Variants in C5orf63 observed in about 807,000 individuals in gnomAD.
C5orf63 encodes the protein chromosome 5 open reading frame 63.
C5orf63 carries 18 observed loss-of-function variants against 13.3 expected under a neutral mutation model. The observed-to-expected ratio is 1.36, with a 90% CI of 0.94 to 2.01. C5orf63 has a LOEUF of 2.01. Among genes scored for constraint, C5orf63 ranks in the 30% most tolerant of loss-of-function variants. C5orf63 has a pLI of 0.00. For missense variants in C5orf63, 118 were observed against 127.7 expected (o/e 0.92, Z 0.36); for synonymous variants, 38 against 44.7 (o/e 0.85, Z 0.60).
At chr5:127,061,444 C>T (rs1754102098) in intron 2 of C5orf63, among the ~76,000 whole-genome samples, 1 of 152,200 alleles carries the variant, frequency 6.6e-6, no homozygotes, top group Admixed American at 6.5e-5. Context: ...TCCACTTCTA[C>T]TTGGATCTCT....
intron 1 of C5orf63, chr5:127,071,991 A>T (rs1400023442): frequency 6.6e-6 from 1 of 152,244 alleles, no homozygotes; most frequent in Non-Finnish European, 1.5e-5. Flanking sequence ...CATTTCTATT[A>T]CTTACCTGCC....
At chr5:127,066,706 C>T (rs1754346045) in intron 2 of C5orf63, among the ~76,000 whole-genome samples, 1 of 151,918 alleles carries the variant, frequency 6.6e-6, no homozygotes, top group African/African-American at 2.4e-5. Context: ...AAGATAAAGA[C>T]TTGAGTCTCC....
intron 2 of C5orf63, among the ~76,000 whole-genome samples, chr5:127,062,300 A>T (rs980139612): frequency 6.6e-6 from 1 of 152,178 alleles, no homozygotes. Flanking sequence ...TTCCACTGTT[A>T]TTCTCCATTT....
At chr5:127,061,937 A>C (rs961968244) in intron 2 of C5orf63, among the ~76,000 whole-genome samples, 1 of 152,246 alleles carries the variant, frequency 6.6e-6, no homozygotes, top group African/African-American at 2.4e-5. Flanking sequence ...TGGTGATCTG[A>C]CTACGACCAG....
chr5:127,059,978 A>C (rs959411417), intron 2 of C5orf63, among the ~76,000 whole-genome samples: 11 of 152,064 alleles, frequency 7.2e-5, no homozygotes, highest in African/African-American at 2.4e-4. Context: ...TGTCTCTACT[A>C]AAAATACAAA....
intron 2 of C5orf63, among the ~76,000 whole-genome samples, chr5:127,067,284 CTAAAAG>C (rs1036006042): frequency 2.6e-5 from 4 of 152,184 alleles, no homozygotes; most frequent in East Asian, 1.9e-4. Flanking sequence ...ACTAAAAATA[CTAAAAG>C]TAAGAGATCA....
chr5:127,053,204 T>C (rs73783520), intron 3 of C5orf63, among the ~76,000 whole-genome samples: 2,027 of 152,284 alleles, frequency 0.013, 38 homozygotes, highest in African/African-American at 0.047. Context: ...AGATGATTAT[T>C]GCACCGCCTG....
At chr5:127,066,253 A>G (rs962708911) in intron 2 of C5orf63, among the ~76,000 whole-genome samples, 3 of 152,164 alleles carry the variant, frequency 2.0e-5, no homozygotes, top group Non-Finnish European at 4.4e-5. Context: ...ATGTTAAAGA[A>G]TTGAGATTTT....
intron 2 of C5orf63, among the ~76,000 whole-genome samples, chr5:127,061,484 T>C (rs2126892948): frequency 6.6e-6 from 1 of 152,270 alleles, no homozygotes; most frequent in East Asian, 1.9e-4. Flanking sequence ...GATAAATGCA[T>C]AAAAAAGGAA....
intron 2 of C5orf63, among the ~76,000 whole-genome samples, chr5:127,070,426 G>A (rs1220825026): frequency 1.3e-5 from 2 of 152,182 alleles, no homozygotes; most frequent in Non-Finnish European, 2.9e-5. Context: ...TTTGTTTCCA[G>A]TTGTAACAAT....
chr5:127,053,385 A>C (rs1259917893), intron 3 of C5orf63, among the ~76,000 whole-genome samples: 3 of 150,988 alleles, frequency 2.0e-5, no homozygotes, highest in African/African-American at 4.9e-5. Context: ...TTTTTTTCCC[A>C]CTTTCTCCTA....
downstream of C5orf63, chr5:127,043,114 G>T (rs1753442721): frequency 6.6e-6 from 1 of 152,062 alleles, no homozygotes; most frequent in South Asian, 2.1e-4. Context: ...AAAACATCAA[G>T]AAACACAGTA....
chr5:127,054,167 T>C (rs1753789639), intron 3 of C5orf63, among the ~76,000 whole-genome samples: 1 of 152,186 alleles, frequency 6.6e-6, no homozygotes, highest in South Asian at 2.1e-4. Flanking sequence ...ATTGGGTTTT[T>C]TGTTTTGTTT....
At position 127,057,545 on chromosome 5, in the gene C5orf63, A is replaced by C. The variant is rs182895836; in HGVS notation, c.114+1337T>G. ...GTGTTAGGGATAAGAAAACAACTAT[A>C]ATCAGTCCTCATTATTTATGGATTC... On this transcript the variant is annotated intron_variant, in intron 3 of 4. Transcript: ENST00000296662. Among the ~76,000 whole-genome samples the C allele has an allele frequency of 6.9e-3, 1,057 of 152,346 alleles. 9 individuals carry two copies. The highest frequency in any genetic ancestry group is 0.011 in the Non-Finnish European group (755 of 68,032).
At chr5:127,059,046 T>C (rs1753997897) in intron 2 of C5orf63, 44 bp from the exon 3 acceptor site, 5 of 1,158,886 alleles carry the variant, frequency 4.3e-6, no homozygotes, top group Non-Finnish European at 6.2e-6. Context: ...TGCCCTAGAC[T>C]TTGTTCCTTA....
At chr5:127,062,352 C>A (rs1425863325) in intron 2 of C5orf63, among the ~76,000 whole-genome samples, 1 of 152,178 alleles carries the variant, frequency 6.6e-6, no homozygotes, top group Non-Finnish European at 1.5e-5. Flanking sequence ...CATGGCACAT[C>A]TATTTACTGA....
At chr5:127,059,739 A>AG in intron 2 of C5orf63, among the ~76,000 whole-genome samples, 1 of 146,912 alleles carries the variant, frequency 6.8e-6, no homozygotes, top group East Asian at 1.9e-4. Context: ...AAAAAAAAAA[A>AG]AAAAGAAAAA....
intron 2 of C5orf63, among the ~76,000 whole-genome samples, chr5:127,062,779 C>G (rs952081416): frequency 6.6e-6 from 1 of 152,102 alleles, no homozygotes; most frequent in East Asian, 1.9e-4. Flanking sequence ...TATCTCAGCA[C>G]TATAAAAAAT....
At chr5:127,044,616 C>A (rs1719393352), downstream of C5orf63, 1 of 152,010 alleles carries the variant, frequency 6.6e-6, no homozygotes, top group African/African-American at 2.4e-5. Context: ...CTATGGTGAA[C>A]AAGAGTCATG....
Sources: gnomAD v4.1 joint callset for allele counts (sites outside exome capture counted in the v4.1 genomes callset) on GRCh38, gnomAD v4.1.1 for gene constraint, MANE v1.5 for transcripts, NCBI Gene and HGNC (gene_info 2026-07-23, HGNC 2026-07-21) for gene names.